Variants in VHL observed in about 807,000 individuals in gnomAD.
The protein encoded by VHL is von Hippel-Lindau tumor suppressor, also known as von Hippel-Lindau disease tumor suppressor.
VHL carries 10 observed loss-of-function variants against 19.2 expected under a neutral mutation model. The observed-to-expected ratio is 0.52, with a 90% CI of 0.32 to 0.89. The LOEUF (loss-of-function observed/expected upper bound fraction) is 0.89, where lower values mean the gene tolerates loss of function less well. VHL is among the 40% of genes least tolerant of loss of function. The pLI is 0.03. For synonymous variants in VHL, 167 were observed against 129.5 expected, an observed-to-expected ratio of 1.29 and a Z score of -1.97; for missense variants, 328 against 292.7, an observed-to-expected ratio of 1.12 and a Z score of -0.88.
Position 10,150,189 on chromosome 3 carries a change from A to G in VHL, c.*224A>G. On this transcript the variant is annotated 3_prime_UTR_variant, in exon 3 of 3. Transcript: ENST00000256474. ...TTTAATGCCTGCCCATTAGAGAAGT[A>G]TTTATCAGGAGAAGGTGGTGGCATT... 7.2e-7 allele frequency: 1 copy of G among 1,397,868 alleles called. No homozygotes were observed. The highest frequency in any genetic ancestry group is 9.3e-7 in the Non-Finnish European group (1 of 1,074,028). 86.6% of individuals were successfully genotyped at this position (1,397,868 alleles called of 1,614,324 possible).
chr3:10,149,028 A>G (rs777662240), intron 2 of VHL, among the ~76,000 whole-genome samples: 9 of 150,102 alleles, frequency 6.0e-5, no homozygotes, highest in Non-Finnish European at 1.2e-4. Context: ...CTAGGCAGTT[A>G]CTCTGCTGGT....
At chr3:10,143,634 A>T (rs188364490) in intron 1 of VHL, among the ~76,000 whole-genome samples, 8 of 152,006 alleles carry the variant, frequency 5.3e-5, no homozygotes, top group African/African-American at 1.7e-4. Context: ...TTCTTAGTAG[A>T]GACAGGGTTT....
Position 10,148,174 on chromosome 3 carries a change from C to T in VHL, c.463+1538C>T, listed in dbSNP as rs184371735. Among the ~76,000 whole-genome samples the T allele has an allele frequency of 2.5e-3, 379 of 151,868 alleles. 1 individual carries two copies. Among genetic ancestry groups the T allele is most frequent in the Non-Finnish European group, 3.9e-3 (262 of 67,946 alleles). On this transcript the variant is annotated intron_variant, in intron 2 of 2. Transcript: ENST00000256474. ...TTCAAACTACTATGTGTGTATAGAT[C>T]CTGTTTTAAGGAAGTAGATATATAA... is the stretch of plus-strand genomic sequence containing the variant.
chr3:10,146,758 T>G (rs1294820337), intron 2 of VHL, 122 bp downstream of exon 2: 2 of 1,224,164 alleles, frequency 1.6e-6, no homozygotes, highest in Admixed American at 3.4e-5. Flanking sequence ...CCAATCTTTT[T>G]GTATCCTATT....
intron 2 of VHL, among the ~76,000 whole-genome samples, chr3:10,148,976 C>T (rs1288664306): frequency 6.6e-6 from 1 of 151,986 alleles, no homozygotes; most frequent in East Asian, 1.9e-4. Context: ...CCCAGCCCAC[C>T]ATTTTATTTG....
Position 10,151,038 on chromosome 3 carries a change from G to T in VHL, c.*1073G>T, listed in dbSNP as rs376485698. On this transcript the variant is annotated 3_prime_UTR_variant, in exon 3 of 3. Transcript: ENST00000256474. ...TGGGATTACAGGCGCCTGCCACCAC[G>T]CTGGCCAATTTTTGTACTTTTAGTA... The T allele has an allele frequency of 6.8e-5, 13 of 190,376 alleles. No homozygotes were observed. Among genetic ancestry groups the T allele is most frequent in the African/African-American group, 2.8e-4 (12 of 42,992 alleles). 11.8% of individuals were successfully genotyped at this position (190,376 alleles called of 1,614,324 possible).
In VHL at chr3:10,152,865, G is replaced by C. The variant is rs895827959; in HGVS notation, c.*2900G>C. On this transcript the variant is annotated 3_prime_UTR_variant, in exon 3 of 3. Transcript: ENST00000256474. ...CTCCTCTTGTTAAAACCTGCAGGCC[G>C]AGCACAGTGGCTCATGCCTGTAATC... Among the ~76,000 whole-genome samples, 2 of 152,076 alleles carry C rather than the reference G, an allele frequency of 1.3e-5. No homozygotes were observed.
rs143985153 is a variant in VHL at position 10,142,116 on chromosome 3, A to G, written c.269A>G (p.Asn90Ser). ...CGCGTCGTGCTGCCCGTATGGCTCA[A>G]CTTCGACGGCGAGCCGCAGCCCTAC... ...SPRVVLPVWL[N>S]FDGEPQPYPT... The change falls in exon 1 of 3, where the codon AAC (asparagine) becomes AGC (serine). Residue 90 changes from asparagine to serine, a missense_variant. Coordinates refer to ENST00000256474, the MANE Select transcript of VHL (RefSeq NM_000551.4). 6.2e-7 allele frequency: 1 copy of G among 1,601,918 alleles called. No homozygotes were observed. The highest frequency in any genetic ancestry group is 8.5e-7 in the Non-Finnish European group (1 of 1,179,692).
chr3:10,142,474 T>C (rs1279998315), intron 1 of VHL: 2 of 460,542 alleles, frequency 4.3e-6, no homozygotes, highest in East Asian at 4.2e-5. Flanking sequence ...GCCTCCTGAG[T>C]AGCTGGGATT....
In VHL at chr3:10,150,630, A is replaced by G. The variant is rs1696387463; in HGVS notation, c.*665A>G. On this transcript the variant is annotated 3_prime_UTR_variant, in exon 3 of 3. Coordinates refer to ENST00000256474, the MANE Select transcript of VHL (RefSeq NM_000551.4). Reference sequence around the variant, plus strand: ...CATTTTTGTAGGAAGCATTTTTTATAATTTTCTAAGTCGTGCACTTTCTCG... The same window carrying G: ...CATTTTTGTAGGAAGCATTTTTTATGATTTTCTAAGTCGTGCACTTTCTCG... 4.3e-6 allele frequency: 1 copy of G among 235,098 alleles called. No homozygotes were observed. Among genetic ancestry groups the G allele is most frequent in the African/African-American group, 2.2e-5 (1 of 45,254 alleles). 14.6% of individuals were successfully genotyped at this position (235,098 alleles called of 1,614,324 possible).
At chr3:10,149,464 C>T (rs2125130194) in intron 2 of VHL, among the ~76,000 whole-genome samples, 1 of 152,202 alleles carries the variant, frequency 6.6e-6, no homozygotes, top group Admixed American at 6.6e-5. Context: ...TCAGGGCTTT[C>T]AAAAGTATAA....
intron 2 of VHL, among the ~76,000 whole-genome samples, chr3:10,148,646 G>T (rs1378145681): frequency 6.8e-6 from 1 of 146,658 alleles, no homozygotes; most frequent in Non-Finnish European, 1.5e-5. Flanking sequence ...TTTTGGTTAT[G>T]TGTTTTGTGA....
intron 1 of VHL, among the ~76,000 whole-genome samples, chr3:10,145,940 G>A (rs1559427742): frequency 6.6e-6 from 1 of 152,026 alleles, no homozygotes; most frequent in Non-Finnish European, 1.5e-5. Context: ...AGCAGAAAGG[G>A]CATGGGATTG....
chr3:10,149,488 C>T (rs1696346343), intron 2 of VHL, among the ~76,000 whole-genome samples: 1 of 152,162 alleles, frequency 6.6e-6, no homozygotes, highest in Non-Finnish European at 1.5e-5. Context: ...CAGAAGTCAG[C>T]AGGCCTTTTT....
At chr3:10,148,464 G>C (rs271989) in intron 2 of VHL, among the ~76,000 whole-genome samples, 1 of 149,724 alleles carries the variant, frequency 6.7e-6, no homozygotes, top group South Asian at 2.1e-4. Flanking sequence ...ACAGGCGCCC[G>C]CCACTACGCC....
intron 1 of VHL, among the ~76,000 whole-genome samples, chr3:10,145,374 A>G (rs1696229700): frequency 6.6e-6 from 1 of 152,066 alleles, no homozygotes; most frequent in Non-Finnish European, 1.5e-5. Context: ...GGGCTGGAGG[A>G]TTGCTTCCTG....
rs1696467558 is a variant in VHL at position 10,153,428 on chromosome 3, T to C, written c.*3463T>C. 6.7e-6 allele frequency among the ~76,000 whole-genome samples: 1 copy of C among 148,150 alleles called. No individual in the cohort carries two copies. Among genetic ancestry groups the C allele is most frequent in the Non-Finnish European group, 1.5e-5 (1 of 67,936 alleles). On this transcript the variant is annotated 3_prime_UTR_variant, in exon 3 of 3. Transcript: ENST00000256474. ...TGGGCAACAAGAGTGAAATTCCATC[T>C]CAAAAAGAAACCAAAAAAACAAAAA...
chr3:10,145,126 G>A (rs1033245537), intron 1 of VHL, among the ~76,000 whole-genome samples: 13 of 152,088 alleles, frequency 8.5e-5, no homozygotes, highest in Admixed American at 2.0e-4. Flanking sequence ...CCTGGGAGGC[G>A]GAGGTGGCAG....
At position 10,143,016 on chromosome 3, in the gene VHL, C is replaced by T. The variant is rs907291243; in HGVS notation, c.340+829C>T. 1 of 152,208 alleles carries T rather than the reference C, an allele frequency of 6.6e-6. No individual in the cohort carries two copies. The highest frequency in any genetic ancestry group is 2.4e-5 in the African/African-American group (1 of 41,414). The allele number at this position is 152,208 out of a possible 1,614,324, so 9.4% of individuals were successfully genotyped here. On this transcript the variant is annotated intron_variant, in intron 1 of 2. Coordinates refer to ENST00000256474, the MANE Select transcript of VHL (RefSeq NM_000551.4). Reference sequence around the variant, plus strand: ...GCAGGATGGAGTAGGAACTAGCCAACCCTAGGTAAGAGGTTCTAGACATGC... The same window carrying T: ...GCAGGATGGAGTAGGAACTAGCCAATCCTAGGTAAGAGGTTCTAGACATGC...
Sources: allele counts gnomAD v4.1 joint callset (sites outside exome capture counted in the v4.1 genomes callset), GRCh38; gene constraint gnomAD v4.1.1; transcripts MANE v1.5; gene names NCBI Gene and HGNC (gene_info 2026-07-23, HGNC 2026-07-21).